Variants in SLC38A6 observed in about 807,000 individuals in gnomAD.
The protein encoded by SLC38A6 is N system amino acid transporter NAT-1.
SLC38A6 carries 73 observed loss-of-function variants against 65.0 expected under a neutral mutation model. The ratio of observed to expected loss-of-function variants is 1.12; its 90% CI spans 0.93 to 1.37. The LOEUF (loss-of-function observed/expected upper bound fraction) is 1.37, where lower values mean the gene tolerates loss of function less well. Ranked by LOEUF, SLC38A6 falls within the 40% of genes most tolerant of loss-of-function variation. The pLI is 0.00. For missense variants in SLC38A6, 561 were observed against 531.1 expected (o/e 1.06, Z -0.55); for synonymous variants, 183 against 178.8 (o/e 1.02, Z -0.19).
At chr14:61,071,453 G>C (rs1344024250) in intron 15 of SLC38A6, among the ~76,000 whole-genome samples, 1 of 152,094 alleles carries the variant, frequency 6.6e-6, no homozygotes, top group Non-Finnish European at 1.5e-5. Flanking sequence ...AGGCTGAGGT[G>C]AGTGGATCAC....
chr14:61,069,514 C>A (rs1312395308), intron 15 of SLC38A6, among the ~76,000 whole-genome samples: 1 of 152,102 alleles, frequency 6.6e-6, no homozygotes, highest in Non-Finnish European at 1.5e-5. Flanking sequence ...TTATTACCCT[C>A]TTCTATATTG....
intron 3 of SLC38A6, chr14:60,986,987 C>A: frequency 2.7e-6 from 1 of 377,036 alleles, no homozygotes; most frequent in Non-Finnish European, 5.1e-6. Context: ...TTTTCTGTAA[C>A]TCTGGGGCGT....
chr14:61,021,041 T>C (rs900129088), intron 5 of SLC38A6, among the ~76,000 whole-genome samples: 5 of 152,156 alleles, frequency 3.3e-5, no homozygotes, highest in South Asian at 2.1e-4. Context: ...ATAACTGTTA[T>C]TGGAGATGGC....
At chr14:61,013,347 G>A (rs578235472) in intron 3 of SLC38A6, among the ~76,000 whole-genome samples, 3 of 152,300 alleles carry the variant, frequency 2.0e-5, no homozygotes, top group African/African-American at 7.2e-5. Flanking sequence ...CAATTTGCCA[G>A]TCTGTGTCTT....
intron 1 of SLC38A6, among the ~76,000 whole-genome samples, chr14:60,981,855 A>C (rs560133517): frequency 6.6e-6 from 1 of 152,308 alleles, no homozygotes; most frequent in East Asian, 1.9e-4. Flanking sequence ...TAGTAAGTGC[A>C]TAGCACGTTC....
intron 15 of SLC38A6, among the ~76,000 whole-genome samples, chr14:61,075,209 T>C (rs545028858): frequency 3.7e-4 from 57 of 152,184 alleles, no homozygotes; most frequent in Non-Finnish European, 5.6e-4. Flanking sequence ...TAATATTCAG[T>C]TTTAATTTGC....
chr14:60,984,329 G>T (rs868777129), intron 2 of SLC38A6, among the ~76,000 whole-genome samples: 4 of 152,048 alleles, frequency 2.6e-5, no homozygotes, highest in African/African-American at 7.2e-5. Context: ...GAGGGAGGAA[G>T]GGAAAAAGAG....
chr14:61,069,023 G>T (rs779933384), intron 15 of SLC38A6, among the ~76,000 whole-genome samples: 7 of 152,240 alleles, frequency 4.6e-5, no homozygotes, highest in Non-Finnish European at 7.4e-5. Flanking sequence ...AAGTATTGCA[G>T]TGATTATCAC....
At chr14:61,069,400 C>A (rs1473549878) in intron 15 of SLC38A6, among the ~76,000 whole-genome samples, 1 of 152,066 alleles carries the variant, frequency 6.6e-6, no homozygotes, top group East Asian at 1.9e-4. Context: ...CCCATTAATC[C>A]CAGATTCCCT....
intron 15 of SLC38A6, among the ~76,000 whole-genome samples, chr14:61,063,733 T>G (rs1566724734): frequency 6.6e-6 from 1 of 152,076 alleles, no homozygotes; most frequent in African/African-American, 2.4e-5. Flanking sequence ...GAGAACAGTG[T>G]AGTGTAATGG....
At chr14:60,986,014 C>T (rs958391211) in intron 3 of SLC38A6, among the ~76,000 whole-genome samples, 10 of 152,198 alleles carry the variant, frequency 6.6e-5, no homozygotes, top group Non-Finnish European at 1.3e-4. Flanking sequence ...GGGATCTGGC[C>T]CCAGGGCCCA....
intron 13 of SLC38A6, 28 bp from the exon 14 acceptor site, chr14:61,051,759 G>T: frequency 6.2e-7 from 1 of 1,605,328 alleles, no homozygotes. Flanking sequence ...TTTCCTCTTC[G>T]CTATATGTTT....
At chr14:61,033,990 C>A (rs1424873657) in intron 6 of SLC38A6, 4 of 152,140 alleles carry the variant, frequency 2.6e-5, no homozygotes, top group African/African-American at 9.7e-5. Context: ...TCCATTGCTA[C>A]TGTCACCTTC....
At chr14:60,988,130 A>C (rs61990988) in intron 3 of SLC38A6, among the ~76,000 whole-genome samples, 25,196 of 152,120 alleles carry the variant, frequency 0.17, 2,833 homozygotes, top group Middle Eastern at 0.25. Flanking sequence ...TTCTTACACT[A>C]CGAGAACCTC....
intron 10 of SLC38A6, among the ~76,000 whole-genome samples, chr14:61,043,802 G>A (rs928889653): frequency 2.0e-5 from 3 of 150,692 alleles, no homozygotes; most frequent in Non-Finnish European, 4.4e-5. Context: ...TGGCCAATAA[G>A]GTCCTCTGTG....
At position 60,982,939 on chromosome 14, in the gene SLC38A6, C is replaced by G. The variant is rs575743154; in HGVS notation, c.236+301C>G. Among the ~76,000 whole-genome samples the G allele has an allele frequency of 6.3e-4, 96 of 152,272 alleles. 3 individuals are homozygous for G. In the South Asian group the frequency reaches 0.018, roughly 29 times the overall value. The stretch of plus-strand genomic sequence containing the variant: ...TTGTATCTCCTTGGCCAAAGTGAAT[C>G]AAAGCCATGCAGATTAACTTCCAAA... On this transcript the variant is annotated intron_variant, in intron 2 of 15. Coordinates refer to ENST00000267488, the MANE Select transcript of SLC38A6 (RefSeq NM_153811.3).
At chr14:61,031,417 G>T (rs2040981960) in intron 6 of SLC38A6, among the ~76,000 whole-genome samples, 1 of 152,072 alleles carries the variant, frequency 6.6e-6, no homozygotes, top group African/African-American at 2.4e-5. Flanking sequence ...TTCCATTAAA[G>T]AATTCTACTT....
chr14:61,050,921 T>A (rs2042471453), intron 13 of SLC38A6, among the ~76,000 whole-genome samples: 1 of 152,138 alleles, frequency 6.6e-6, no homozygotes, highest in Non-Finnish European at 1.5e-5. Flanking sequence ...AAGTTTTGGG[T>A]TTTTCCCCCC....
At chr14:60,995,928 CTG>C (rs1421824599) in intron 3 of SLC38A6, among the ~76,000 whole-genome samples, 1 of 152,122 alleles carries the variant, frequency 6.6e-6, no homozygotes, top group African/African-American at 2.4e-5. Flanking sequence ...TGAAATGAAT[CTG>C]TATGATACTA....
Sources: allele counts gnomAD v4.1 joint callset (sites outside exome capture counted in the v4.1 genomes callset), GRCh38; gene constraint gnomAD v4.1.1; transcripts MANE v1.5; gene names NCBI Gene and HGNC (gene_info 2026-07-23, HGNC 2026-07-21).